Variants in GCC2 observed in about 807,000 individuals in gnomAD.
GCC2 encodes the protein GRIP and coiled-coil domain-containing protein 2.
A neutral mutation model predicts 210.6 loss-of-function variants in GCC2; 120 were observed. The ratio of observed to expected loss-of-function variants is 0.57; its 90% CI spans 0.49 to 0.66. GCC2 has a LOEUF of 0.66. Ranked by LOEUF, GCC2 falls within the 30% of genes least tolerant of loss-of-function variation. GCC2 has a pLI of 0.00. For synonymous variants in GCC2, 703 were observed against 652.7 expected (o/e 1.08, Z -1.17); for missense variants, 1,868 against 1,871.9 (o/e 1.00, Z 0.04).
rs760913258 is a variant in GCC2 at position 108,507,609 on chromosome 2, T to C, written c.5034T>C (p.His1678=). 6.2e-7 allele frequency: 1 copy of C among 1,602,918 alleles called. No individual in the cohort carries two copies. Among genetic ancestry groups the C allele is most frequent in the East Asian group, 2.2e-5 (1 of 44,664 alleles). ...CTTCTGGATGGGCATCCTATCTTCA[T>C]AGTTGGTCTGGACTTCGATAGGTTG... ...SRSSGWASYL[H]SWSGLR The change falls in exon 23 of 23, where the codon CAT becomes CAC. Residue 1678 remains histidine, a synonymous_variant. Transcript: ENST00000309863.
chr2:108,484,103 G>T, intron 12 of GCC2, 46 bp from the exon 13 acceptor site: 1 of 1,314,380 alleles, frequency 7.6e-7, no homozygotes, highest in Non-Finnish European at 1.0e-6. Flanking sequence ...ATTTACAAAT[G>T]AACTGATCTA....
chr2:108,470,767 TA>T lies in GCC2; in HGVS notation c.1439del (p.Tyr480LeufsTer22). 1 of 1,613,666 alleles carries T rather than the reference TA, an allele frequency of 6.2e-7. No individual in the cohort carries two copies. Among genetic ancestry groups the T allele is most frequent in the Non-Finnish European group, 8.5e-7 (1 of 1,179,866 alleles). On this transcript the variant is annotated frameshift_variant, in exon 6 of 23. Coordinates refer to ENST00000309863, the MANE Select transcript of GCC2 (RefSeq NM_181453.4). LOFTEE classifies it high-confidence loss of function. ...QQEKQEAILN[Y>X]ESLREIMEIL... ...AGAAAAGCAAGAAGCAATTTTAAAT[TA>T]TGAGAGTTTACGAGAGATTATGGAA...
Position 108,452,388 on chromosome 2 carries a change from T to C in GCC2, c.149-11T>C. Reference sequence around the variant, plus strand: ...TTCTGAACCGGAGTCCTTTATTTTTTAATTGTTTAGAATTGGAGAAAGAAA... The same window carrying C: ...TTCTGAACCGGAGTCCTTTATTTTTCAATTGTTTAGAATTGGAGAAAGAAA... On this transcript the variant is annotated splice_polypyrimidine_tract_variant and intron_variant, in intron 3 of 22. Transcript: ENST00000309863. 7.1e-7 allele frequency: 1 copy of C among 1,411,218 alleles called. No homozygotes were observed. Among genetic ancestry groups the C allele is most frequent in the Non-Finnish European group, 1.0e-6 (1 of 997,422 alleles). 87.4% of individuals were successfully genotyped at this position (1,411,218 alleles called of 1,614,324 possible).
intron 9 of GCC2, among the ~76,000 whole-genome samples, chr2:108,479,415 C>T (rs1459892360): frequency 6.6e-6 from 1 of 151,962 alleles, no homozygotes; most frequent in East Asian, 1.9e-4. Flanking sequence ...CCTAGGCAGG[C>T]AGATTGCCTG....
At chr2:108,459,967 AGCC>A (rs1375187494) in intron 4 of GCC2, among the ~76,000 whole-genome samples, 1 of 151,650 alleles carries the variant, frequency 6.6e-6, no homozygotes, top group Non-Finnish European at 1.5e-5. Context: ...ATCCTGCCTC[AGCC>A]TCCCAAGTAG....
At position 108,484,294 on chromosome 2, in the gene GCC2, C is replaced by T. The variant is rs774263627; in HGVS notation, c.3596C>T (p.Thr1199Ile). 1.3e-6 allele frequency: 2 copies of T among 1,517,212 alleles called. No individual in the cohort carries two copies. The highest frequency in any genetic ancestry group is 8.9e-7 in the Non-Finnish European group (1 of 1,122,394). The allele number at this position is 1,517,212 out of a possible 1,614,324, so 94.0% of individuals were successfully genotyped here. Residue 1199 changes from threonine (T) to isoleucine (I), a missense_variant, in exon 13 of 23, where the codon ACC (threonine) becomes ATC (isoleucine). Physicochemically the swap from Thr to Ile is moderately conservative, Grantham distance 89 (BLOSUM62 -1). Coordinates refer to ENST00000309863, the MANE Select transcript of GCC2 (RefSeq NM_181453.4). ...EIKIQKQKQE[T>I]LQEEITSLQS... Reference sequence around the variant, plus strand: ...AAAATTCAAAAACAGAAACAAGAAACCCTACAAGAAGAAATAAGTGAGTTA... The same window carrying T: ...AAAATTCAAAAACAGAAACAAGAAATCCTACAAGAAGAAATAAGTGAGTTA...
rs10199197 is a variant in GCC2 at position 108,457,430 on chromosome 2, C to T, written c.216+4964C>T. Among the ~76,000 whole-genome samples, 653 of 151,888 alleles carry T rather than the reference C, an allele frequency of 4.3e-3. 6 individuals carry two copies. The highest frequency in any genetic ancestry group is 0.015 in the African/African-American group (602 of 41,440). On this transcript the variant is annotated intron_variant, in intron 4 of 22. Transcript: ENST00000309863. Reference sequence around the variant, plus strand: ...TTGAAGTCAAGTAGAATGATGCCGCCGCTTTATTTTTTAACTCAGAATTTC... The same window carrying T: ...TTGAAGTCAAGTAGAATGATGCCGCTGCTTTATTTTTTAACTCAGAATTTC...
At position 108,471,832 on chromosome 2, in the gene GCC2, G is replaced by C; in HGVS notation, c.2503G>C (p.Asp835His). ...QCEELKSLLR[D>H]YEQEKVLLRK... ...TGAAGAACTTAAGTCTTTATTGAGA[G>C]ACTATGAGCAAGAGAAAGTTCTCTT... The change falls in exon 6 of 23, where the codon GAC becomes CAC. Residue 835 changes from aspartate to histidine, a missense_variant. Transcript: ENST00000309863. 4.3e-6 allele frequency: 7 copies of C among 1,613,538 alleles called. No individual in the cohort carries two copies. Among genetic ancestry groups the C allele is most frequent in the South Asian group, 1.1e-5 (1 of 91,008 alleles).
Position 108,470,938 on chromosome 2 carries a change from G to C in GCC2, c.1609G>C (p.Val537Leu), listed in dbSNP as rs1352409978. ...TGAAAAAGATGCCCTTCTCGAAACTGTGAATCGCCTCCAGGGAGAAAATGA... is the reference window on the plus strand; with the variant it reads ...TGAAAAAGATGCCCTTCTCGAAACTCTGAATCGCCTCCAGGGAGAAAATGA... ...FTEKDALLET[V>L]NRLQGENEKL... The change falls in exon 6 of 23, where the codon GTG becomes CTG. Residue 537 changes from valine (V) to leucine (L), a missense_variant. By Grantham distance (32) the Val-to-Leu change is conservative. Transcript: ENST00000309863. The C allele has an allele frequency of 2.5e-6, 4 of 1,613,102 alleles. No homozygotes were observed. Among genetic ancestry groups the C allele is most frequent in the East Asian group, 2.2e-5 (1 of 44,874 alleles).
chr2:108,501,827 A>G (rs1682941433), intron 22 of GCC2, among the ~76,000 whole-genome samples: 1 of 152,076 alleles, frequency 6.6e-6, no homozygotes, highest in Non-Finnish European at 1.5e-5. Flanking sequence ...TTACAGACAT[A>G]CTTCATAAGT....
intron 22 of GCC2, among the ~76,000 whole-genome samples, chr2:108,504,799 T>A (rs1573245876): frequency 6.6e-6 from 1 of 152,266 alleles, no homozygotes; most frequent in Non-Finnish European, 1.5e-5. Flanking sequence ...TGTTACAGTT[T>A]ACAGATCTGA....
In GCC2 at chr2:108,481,821, T is replaced by A. The variant is rs190307890; in HGVS notation, c.3180+5T>A. 1.3e-6 allele frequency: 2 copies of A among 1,545,612 alleles called. No homozygotes were observed. Among genetic ancestry groups the A allele is most frequent in the Admixed American group, 2.2e-5 (1 of 45,624 alleles). On this transcript the variant is annotated splice_donor_5th_base_variant and intron_variant, in intron 10 of 22. Transcript: ENST00000309863. ...TTAAGAAATTCGACTTTGCAGGTAATTTTTTAATAAATCCAAAAATGAAAA... is the reference window on the plus strand; with the variant it reads ...TTAAGAAATTCGACTTTGCAGGTAAATTTTTAATAAATCCAAAAATGAAAA...
intron 9 of GCC2, among the ~76,000 whole-genome samples, chr2:108,480,789 A>G (rs2104473538): frequency 6.6e-6 from 1 of 152,336 alleles, no homozygotes; most frequent in Non-Finnish European, 1.5e-5. Context: ...ATCAGGAAAA[A>G]TAACTAATGG....
chr2:108,480,750 G>A (rs548111175), intron 9 of GCC2, among the ~76,000 whole-genome samples: 3 of 94,280 alleles, frequency 3.2e-5, no homozygotes, highest in African/African-American at 1.0e-4. Context: ...GGGCCTAACA[G>A]AAGGTGGAGG....
intron 20 of GCC2, chr2:108,496,490 CTT>C (rs1306230368): frequency 1.1e-5 from 2 of 184,384 alleles, no homozygotes; most frequent in African/African-American, 5.0e-5. Flanking sequence ...GCCAATTTGA[CTT>C]TGTGATTTCT....
chr2:108,464,067 C>G (rs773524815), intron 4 of GCC2, among the ~76,000 whole-genome samples: 1 of 151,664 alleles, frequency 6.6e-6, no homozygotes, highest in African/African-American at 2.4e-5. Context: ...CTCGGTGGTG[C>G]GTAAAGATGC....
Position 108,509,047 on chromosome 2 carries a change from TAGA to T in GCC2, c.*1422_*1424del, listed in dbSNP as rs1395653065. The stretch of plus-strand genomic sequence containing the variant: ...ATATATCTCATCTTTCCTCCTGTCT[TAGA>T]AGAACAGACCTAACTAGTGAATGTA... On this transcript the variant is annotated 3_prime_UTR_variant, in exon 23 of 23. Coordinates refer to ENST00000309863, the MANE Select transcript of GCC2 (RefSeq NM_181453.4). 2.0e-5 allele frequency: 3 copies of T among 152,768 alleles called. No individual in the cohort carries two copies. The highest frequency in any genetic ancestry group is 4.1e-4 in the South Asian group (2 of 4,828). 9.5% of individuals were successfully genotyped at this position (152,768 alleles called of 1,614,324 possible).
chr2:108,479,995 A>AAC (rs1558747473), intron 9 of GCC2, among the ~76,000 whole-genome samples: 1 of 64,804 alleles, frequency 1.5e-5, no homozygotes, highest in African/African-American at 3.6e-5. Context: ...AAAAAAAAAA[A>AAC]AAAAAAAAAA....
chr2:108,449,292 C>T lies in GCC2; in HGVS notation c.6+12C>T, dbSNP rs979825410. The T allele has an allele frequency of 3.5e-5, 54 of 1,549,186 alleles. No homozygotes were observed. The highest frequency in any genetic ancestry group is 3.4e-4 in the Middle Eastern group (2 of 5,950). On this transcript the variant is annotated intron_variant, in intron 1 of 22. Coordinates refer to ENST00000309863, the MANE Select transcript of GCC2 (RefSeq NM_181453.4). Reference sequence around the variant, plus strand: ...TGGCGGAGATGGAGGTAACTCAGGTCGGGCCCACTGCCTCCCATCAAGCCT... The same window carrying T: ...TGGCGGAGATGGAGGTAACTCAGGTTGGGCCCACTGCCTCCCATCAAGCCT...
Sources: gnomAD v4.1 joint callset for allele counts (sites outside exome capture counted in the v4.1 genomes callset) on GRCh38, gnomAD v4.1.1 for gene constraint, MANE v1.5 for transcripts, NCBI Gene and HGNC (gene_info 2026-07-23, HGNC 2026-07-21) for gene names.